TNRC6C: variants seen among roughly 807,000 people sequenced by gnomAD.
TNRC6C encodes trinucleotide repeat containing adaptor 6C.
TNRC6C carries 20 observed loss-of-function variants against 153.7 expected under a neutral mutation model. The ratio of observed to expected loss-of-function variants is 0.13; its 90% CI spans 0.09 to 0.19. The LOEUF (loss-of-function observed/expected upper bound fraction) is 0.19, where lower values mean the gene tolerates loss of function less well. TNRC6C is among the 10% of genes least tolerant of loss of function. The pLI is 1.00. For missense variants in TNRC6C, 1,987 were observed against 2,172.0 expected (o/e 0.91, Z 1.69); for synonymous variants, 811 against 841.4 (o/e 0.96, Z 0.63).
At chr17:77,994,398 C>G (rs989161823) in intron 1 of TNRC6C, among the ~76,000 whole-genome samples, 2 of 152,016 alleles carry the variant, frequency 1.3e-5, no homozygotes, top group African/African-American at 2.4e-5. Context: ...GACTTTCTGC[C>G]CAGGTCTTGT....
chr17:78,054,625 T>TACACCACTGCAGACTACTGC, intron 3 of TNRC6C, among the ~76,000 whole-genome samples: 1 of 150,424 alleles, frequency 6.6e-6, no homozygotes, highest in South Asian at 2.1e-4. Context: ...TAGACTAGTA[T>TACACCACTGCAGACTACTGC]ACACCACTGC....
intron 1 of TNRC6C, among the ~76,000 whole-genome samples, chr17:78,023,019 T>C (rs964896820): frequency 1.3e-5 from 2 of 152,062 alleles, no homozygotes; most frequent in Non-Finnish European, 2.9e-5. Context: ...GGCATGGTGG[T>C]ATGCACCTAT....
rs1188349383 is a variant in TNRC6C at position 78,079,383 on chromosome 17, G to A, written c.3211-12G>A. 1.2e-6 allele frequency: 2 copies of A among 1,613,256 alleles called. No homozygotes were observed. The highest frequency in any genetic ancestry group is 1.7e-6 in the Non-Finnish European group (2 of 1,179,406). On this transcript the variant is annotated splice_polypyrimidine_tract_variant and intron_variant, in intron 9 of 19. Transcript: ENST00000301624. This position sits in a 1 kb window ranked among gnomAD's most constrained non-coding sequence, Gnocchi z 4.3. ...CTGCCTTGGTAACGTGTTTAATTCT[G>A]TCCCTGTGCAGATACCGAGTGGCAA... is the stretch of plus-strand genomic sequence containing the variant.
intron 1 of TNRC6C, among the ~76,000 whole-genome samples, chr17:77,960,441 AATTTG>A (rs2070852346): frequency 6.6e-6 from 1 of 152,138 alleles, no homozygotes; most frequent in African/African-American, 2.4e-5. Context: ...CCCTGAATGT[AATTTG>A]AGCCTGCATA....
intron 1 of TNRC6C, among the ~76,000 whole-genome samples, chr17:78,006,559 T>TTCTTCC (rs2071513425): frequency 7.6e-6 from 1 of 132,318 alleles, no homozygotes; most frequent in Middle Eastern, 3.5e-3. Flanking sequence ...CTTCTTCTTC[T>TTCTTCC]TCCTTCTTCC....
At position 77,983,716 on chromosome 17, in the gene TNRC6C, C is replaced by T. The variant is rs2071114905; in HGVS notation, c.-37-20454C>T. Reference sequence around the variant, plus strand: ...GGTGCAGAAGCAAGGATTGTAGTAACTTAGCATATTTTTTCTTGTGTCTGT... The same window carrying T: ...GGTGCAGAAGCAAGGATTGTAGTAATTTAGCATATTTTTTCTTGTGTCTGT... On this transcript the variant is annotated intron_variant, in intron 1 of 22. Coordinates refer to the TNRC6C transcript ENST00000636222. 2.0e-5 allele frequency among the ~76,000 whole-genome samples: 3 copies of T among 152,154 alleles called. No homozygotes were observed. The South Asian group carries it at 6.2e-4, about 31-fold the overall frequency.
intron 2 of TNRC6C, among the ~76,000 whole-genome samples, chr17:78,042,277 A>T (rs2072312222): frequency 6.6e-6 from 1 of 152,122 alleles, no homozygotes; most frequent in Admixed American, 6.6e-5. Context: ...TAGGGGAAAA[A>T]TTATTTGATA....
chr17:77,998,473 G>C (rs893962500), intron 1 of TNRC6C, among the ~76,000 whole-genome samples: 5 of 151,904 alleles, frequency 3.3e-5, no homozygotes, highest in African/African-American at 1.2e-4. Context: ...ATGAATGTTG[G>C]GTCTTTTAGT....
At chr17:78,066,570 A>T (rs769525092) in intron 4 of TNRC6C, 3 of 152,152 alleles carry the variant, frequency 2.0e-5, no homozygotes, top group Non-Finnish European at 2.9e-5. Flanking sequence ...TCAGCCTTGT[A>T]TCTTCATTGA....
intron 1 of TNRC6C, among the ~76,000 whole-genome samples, chr17:78,026,972 G>A (rs2071953568): frequency 6.6e-6 from 1 of 152,150 alleles, no homozygotes; most frequent in African/African-American, 2.4e-5. Context: ...TCAGAAGGGC[G>A]AGGCGAGAAA....
At chr17:78,067,993 G>A (rs2072916906) in intron 5 of TNRC6C, 70 bp downstream of exon 7, 6 of 1,506,252 alleles carry the variant, frequency 4.0e-6, no homozygotes, top group Non-Finnish European at 5.3e-6. Flanking sequence ...TCAGTATCCA[G>A]TTAATCAGAC....
chr17:78,100,770 C>CTTTTT lies in TNRC6C; in HGVS notation c.4502-1686_4502-1682dup, dbSNP rs56816459. Among the ~76,000 whole-genome samples the CTTTTT allele has an allele frequency of 3.1e-3, 320 of 104,022 alleles. 2 individuals are homozygous for CTTTTT. Among genetic ancestry groups the CTTTTT allele is most frequent in the African/African-American group, 6.9e-3 (180 of 26,040 alleles). The allele number at this position is 104,022 out of a possible 152,430, so 68.2% of individuals were successfully genotyped here. A position where few individuals can be genotyped will look rare whatever the true frequency, so the allele number is the denominator to read the frequency against. The stretch of plus-strand genomic sequence containing the variant: ...ATTTTTCCTCAGAAAATGGGATTTC[C>CTTTTT]TTTTTTTTTTTTTTTTTTTTTTGAG... On this transcript the variant is annotated intron_variant, in intron 17 of 19. Coordinates refer to ENST00000301624, the Ensembl canonical transcript of TNRC6C.
chr17:78,047,625 T>C (rs190265721), intron 2 of TNRC6C, among the ~76,000 whole-genome samples: 12 of 152,300 alleles, frequency 7.9e-5, no homozygotes, highest in African/African-American at 2.9e-4. Context: ...CATGTTTTAA[T>C]TGTCCATACG....
chr17:77,986,202 G>A (rs2071164834), intron 1 of TNRC6C, among the ~76,000 whole-genome samples: 1 of 152,172 alleles, frequency 6.6e-6, no homozygotes, highest in Admixed American at 6.5e-5. Flanking sequence ...GATCACCCGA[G>A]GTCGGGAGTT....
rs1253861678 is a variant in TNRC6C at position 78,104,743 on chromosome 17, C to T, written c.4971C>T (p.Ser1657=). The T allele has an allele frequency of 4.0e-6, 6 of 1,513,526 alleles. No homozygotes were observed. The highest frequency in any genetic ancestry group is 5.3e-6 in the Non-Finnish European group (6 of 1,132,436). 93.8% of individuals were successfully genotyped at this position (1,513,526 alleles called of 1,614,324 possible). Reference sequence around the variant, plus strand: ...GCGGGGTGCCCCAGTACTCCAGCAGCCTGTGGGGCCCGCCCAGCGCCGACG... The same window carrying T: ...GCGGGGTGCCCCAGTACTCCAGCAGTCTGTGGGGCCCGCCCAGCGCCGACG... Residue 1657 remains serine (S), a synonymous_variant, in exon 20 of 20, where the codon AGC becomes AGT. Transcript: ENST00000301624. The surrounding 1 kb of genome is among the most constrained non-coding windows in gnomAD (Gnocchi z 6.2).
chr17:77,987,086 G>C (rs1395315306), intron 1 of TNRC6C, among the ~76,000 whole-genome samples: 1 of 152,120 alleles, frequency 6.6e-6, no homozygotes, highest in Non-Finnish European at 1.5e-5. Flanking sequence ...CAAAAACTGG[G>C]GGAAGTGTTT....
At chr17:78,077,890 T>C (rs1256587510) in intron 9 of TNRC6C, 2 of 155,860 alleles carry the variant, frequency 1.3e-5, no homozygotes, top group African/African-American at 4.8e-5. Flanking sequence ...AGAGTGTTGT[T>C]TGCCACTTCA....
At position 78,071,075 on chromosome 17, in the gene TNRC6C, T is replaced by C. The variant is rs1461274976; in HGVS notation, c.2779-10T>C. 1.9e-6 allele frequency: 3 copies of C among 1,595,542 alleles called. No homozygotes were observed. The South Asian group carries it at 3.4e-5, about 18-fold the overall frequency. ...TCATGGACTTCCCCCTTTCCCACAC[T>C]TTGTTCAAGGGCATGAAGACGTCTG... is the stretch of plus-strand genomic sequence containing the variant. On this transcript the variant is annotated splice_polypyrimidine_tract_variant and intron_variant, in intron 5 of 19. Transcript: ENST00000301624.
chr17:78,074,072 G>A lies in TNRC6C; in HGVS notation c.2917+978G>A, dbSNP rs925735473. 2.0e-5 allele frequency among the ~76,000 whole-genome samples: 3 copies of A among 152,176 alleles called. No individual in the cohort carries two copies. In the East Asian group the frequency reaches 5.8e-4, roughly 29 times the overall value. ...ACAGTGCTTTAACTCGTGCCTACATGAAGCTTACTTGACACATATTTCCTC... is the reference window on the plus strand; with the variant it reads ...ACAGTGCTTTAACTCGTGCCTACATAAAGCTTACTTGACACATATTTCCTC... On this transcript the variant is annotated intron_variant, in intron 7 of 19. Transcript: ENST00000301624.
Sources: allele counts gnomAD v4.1 joint callset (sites outside exome capture counted in the v4.1 genomes callset), GRCh38; gene constraint gnomAD v4.1.1; non-coding constraint Gnocchi (gnomAD v3.1); transcripts MANE v1.5; gene names NCBI Gene and HGNC (gene_info 2026-07-23, HGNC 2026-07-21).